The following ZC2HC1A variants were observed in gnomAD, a reference collection of about 807,000 sequenced individuals.
The protein encoded by ZC2HC1A is zinc finger C2HC-type containing 1A.
ZC2HC1A carries 28 observed loss-of-function variants against 40.7 expected under a neutral mutation model. The observed-to-expected ratio is 0.69, with a 90% confidence interval of 0.51 to 0.94. The LOEUF is 0.94. ZC2HC1A is among the 40% of genes least tolerant of loss of function. ZC2HC1A has a pLI of 0.00. For missense variants in ZC2HC1A, 389 were observed against 386.3 expected, an observed-to-expected ratio of 1.01 and a Z score of -0.06; for synonymous variants, 129 against 129.2, an observed-to-expected ratio of 1.00 and a Z score of 0.01.
Position 78,717,314 on chromosome 8 carries a change from C to G in ZC2HC1A, c.813-14C>G. The G allele has an allele frequency of 6.3e-7, 1 of 1,598,234 alleles. No individual in the cohort carries two copies. The stretch of plus-strand genomic sequence containing the variant: ...TACAAACTTTATCTTTTCATTGTTT[C>G]TTTACTTTTTTAGGCCAGATGGGGA... On this transcript the variant is annotated splice_polypyrimidine_tract_variant and intron_variant, in intron 8 of 8. Coordinates refer to ENST00000263849, the MANE Select transcript of ZC2HC1A (RefSeq NM_016010.3).
intron 5 of ZC2HC1A, among the ~76,000 whole-genome samples, chr8:78,692,459 C>G (rs1321493024): frequency 1.3e-5 from 2 of 152,158 alleles, no homozygotes; most frequent in Non-Finnish European, 1.5e-5. Flanking sequence ...CATGTTTTCT[C>G]TTTCTTTGCT....
At chr8:78,715,381 G>A in intron 8 of ZC2HC1A, 53 bp downstream of exon 8, 1 of 1,483,408 alleles carries the variant, frequency 6.7e-7, no homozygotes, top group East Asian at 2.3e-5. Context: ...GTATATGATA[G>A]TTTTCCAAGG....
rs759749667 is a variant in ZC2HC1A, at chr8:78,675,824, T to G, written c.54T>G (p.Pro18=). Reference sequence around the variant, plus strand: ...TTGTCCAAGTTGGAGAATTGTTACCTTGCAAGATTTGTGGAAGAACATTCT... The same window carrying G: ...TTGTCCAAGTTGGAGAATTGTTACCGTGCAAGATTTGTGGAAGAACATTCT... ...GGVVQVGELL[P]CKICGRTFFP... Residue 18 remains proline, a synonymous_variant, in exon 2 of 9, where the codon CCT becomes CCG. Coordinates refer to ENST00000263849, the MANE Select transcript of ZC2HC1A (RefSeq NM_016010.3). 5 of 1,610,344 alleles carry G rather than the reference T, an allele frequency of 3.1e-6. No homozygotes were observed. Among genetic ancestry groups the G allele is most frequent in the South Asian group, 1.1e-5 (1 of 90,760 alleles).
intron 1 of ZC2HC1A, among the ~76,000 whole-genome samples, chr8:78,666,913 T>G (rs1335340672): frequency 1.3e-5 from 2 of 152,194 alleles, no homozygotes; most frequent in African/African-American, 2.4e-5. Flanking sequence ...AATGAAAGCA[T>G]TCACCTAAAA....
intron 7 of ZC2HC1A, among the ~76,000 whole-genome samples, chr8:78,709,627 G>A (rs554880194): frequency 4.4e-4 from 66 of 151,412 alleles, no homozygotes; most frequent in African/African-American, 1.6e-3. Context: ...GCAGGGGGGT[G>A]TTCAATCTTT....
At chr8:78,692,540 CAA>C (rs1273879117) in intron 5 of ZC2HC1A, among the ~76,000 whole-genome samples, 1 of 152,054 alleles carries the variant, frequency 6.6e-6, no homozygotes, top group African/African-American at 2.4e-5. Context: ...TGTTCTTTTG[CAA>C]AGTGTTTTTA....
rs141497872 is a variant in ZC2HC1A, at chr8:78,689,315, G to C, written c.446G>C (p.Ser149Thr). 45 of 1,604,050 alleles carry C rather than the reference G, an allele frequency of 2.8e-5. No homozygotes were observed. In the African/African-American group the frequency reaches 5.2e-4, roughly 19 times the overall value. ...TGTAAAGAACAGGCAGCACGTATTAGTAATAAAGGGAAATTTTCTACAGAT... is the reference window on the plus strand; with the variant it reads ...TGTAAAGAACAGGCAGCACGTATTACTAATAAAGGGAAATTTTCTACAGAT... ...NFCKEQAARI[S>T]NKGKFSTDTK... The change falls in exon 5 of 9, where the codon AGT becomes ACT. Residue 149 changes from serine to threonine, a missense_variant. Ser to Thr is a moderately conservative substitution (Grantham distance 58, BLOSUM62 1). Coordinates refer to ENST00000263849, the MANE Select transcript of ZC2HC1A (RefSeq NM_016010.3).
chr8:78,692,341 TC>T, intron 5 of ZC2HC1A, among the ~76,000 whole-genome samples: 1 of 152,264 alleles, frequency 6.6e-6, no homozygotes, highest in Non-Finnish European at 1.5e-5. Flanking sequence ...TCCCTATAGT[TC>T]AGTCTTATTT....
chr8:78,691,942 T>C (rs2130514772), intron 5 of ZC2HC1A, among the ~76,000 whole-genome samples: 1 of 152,292 alleles, frequency 6.6e-6, no homozygotes, highest in Middle Eastern at 3.4e-3. Flanking sequence ...ATTTATGGGG[T>C]ACAAAGTGAT....
chr8:78,694,381 T>C (rs1810329461), intron 5 of ZC2HC1A, among the ~76,000 whole-genome samples: 1 of 152,168 alleles, frequency 6.6e-6, no homozygotes, highest in African/African-American at 2.4e-5. Context: ...GTATTCATGA[T>C]TATCATTCAT....
intron 5 of ZC2HC1A, among the ~76,000 whole-genome samples, chr8:78,689,990 G>A (rs1034498805): frequency 1.3e-5 from 2 of 152,158 alleles, no homozygotes; most frequent in Non-Finnish European, 2.9e-5. Context: ...TGTGAAGTAA[G>A]GGGCAGTTTT....
rs202160816 is a variant in ZC2HC1A, at chr8:78,703,552, T to A, written c.704+5039T>A. Among the ~76,000 whole-genome samples the A allele has an allele frequency of 3.7e-4, 56 of 150,294 alleles. No homozygotes were observed. The East Asian group carries it at 9.1e-3, about 24-fold the overall frequency. On this transcript the variant is annotated intron_variant, in intron 7 of 8. Coordinates refer to ENST00000263849, the MANE Select transcript of ZC2HC1A (RefSeq NM_016010.3). ...AATACCCTTCTTTTTTTTTTTTTTT[T>A]AAATCTTTGTTGGTTTAAAGTCTGT...
At chr8:78,680,214 A>G (rs1175241077) in intron 3 of ZC2HC1A, among the ~76,000 whole-genome samples, 1 of 149,018 alleles carries the variant, frequency 6.7e-6, no homozygotes, top group Non-Finnish European at 1.5e-5. Flanking sequence ...TTGTAAACTT[A>G]AAAATTGAAT....
chr8:78,707,711 G>A (rs370270512), intron 7 of ZC2HC1A, among the ~76,000 whole-genome samples: 4 of 152,120 alleles, frequency 2.6e-5, no homozygotes, highest in East Asian at 3.9e-4. Flanking sequence ...CAGATTAAAG[G>A]AAGCTTTCCA....
At chr8:78,697,190 A>G (rs906968623) in intron 5 of ZC2HC1A, among the ~76,000 whole-genome samples, 2 of 152,170 alleles carry the variant, frequency 1.3e-5, no homozygotes, top group Non-Finnish European at 2.9e-5. Context: ...CATAAACTTT[A>G]CCATCTTAAT....
chr8:78,687,485 T>C (rs1208513964), intron 4 of ZC2HC1A, among the ~76,000 whole-genome samples: 2 of 144,556 alleles, frequency 1.4e-5, no homozygotes, highest in Non-Finnish European at 3.0e-5. Context: ...TATATATAAT[T>C]ATATATGTTT....
intron 5 of ZC2HC1A, among the ~76,000 whole-genome samples, chr8:78,695,874 T>C (rs1810384131): frequency 1.3e-5 from 2 of 152,220 alleles, no homozygotes; most frequent in Non-Finnish European, 2.9e-5. Flanking sequence ...TATCAAGATT[T>C]AACTTTTTAA....
At chr8:78,667,359 G>A (rs767255234) in intron 1 of ZC2HC1A, among the ~76,000 whole-genome samples, 7 of 151,942 alleles carry the variant, frequency 4.6e-5, no homozygotes. Flanking sequence ...GATAATTCAA[G>A]TTTCCATGAA....
rs1023978381 is a variant in ZC2HC1A, at chr8:78,717,781, CTGT to C, written c.*296_*298del. 1 of 207,390 alleles carries C rather than the reference CTGT, an allele frequency of 4.8e-6. No individual in the cohort carries two copies. Among genetic ancestry groups the C allele is most frequent in the African/African-American group, 2.3e-5 (1 of 43,358 alleles). 12.8% of individuals were successfully genotyped at this position (207,390 alleles called of 1,614,324 possible). Reference sequence around the variant, plus strand: ...AACAATTAATTTAGGTGTTACTTTTCTGTTGTTGTTAAAGCACGTTAAGTACAT... The same window carrying C: ...AACAATTAATTTAGGTGTTACTTTTCTGTTGTTAAAGCACGTTAAGTACAT... On this transcript the variant is annotated 3_prime_UTR_variant, in exon 9 of 9. Transcript: ENST00000263849.
Sources: gnomAD v4.1 joint callset for allele counts (sites outside exome capture counted in the v4.1 genomes callset) on GRCh38, gnomAD v4.1.1 for gene constraint, MANE v1.5 for transcripts, NCBI Gene and HGNC (gene_info 2026-07-23, HGNC 2026-07-21) for gene names.